The following ATXN7L1 variants were observed in gnomAD, a reference collection of about 807,000 sequenced individuals.
The protein encoded by ATXN7L1 is ataxin 7 like 1.
Under a neutral mutation model 70.8 loss-of-function variants are expected in ATXN7L1, and 15 were observed. The observed-to-expected ratio is 0.21, with a 90% CI of 0.14 to 0.33. The LOEUF (loss-of-function observed/expected upper bound fraction) is 0.33. Ranked by LOEUF, ATXN7L1 falls within the 10% of genes least tolerant of loss-of-function variation. The pLI is 1.00. For missense variants in ATXN7L1, 975 were observed against 1,097.1 expected (o/e 0.89, Z 1.57); for synonymous variants, 440 against 445.1 (o/e 0.99, Z 0.14).
intron 3 of ATXN7L1, among the ~76,000 whole-genome samples, chr7:105,755,896 G>A (rs1799744685): frequency 6.6e-6 from 1 of 152,212 alleles, no homozygotes; most frequent in East Asian, 1.9e-4. Context: ...CCGTCATGCA[G>A]GTGGAGACAC....
At chr7:105,768,282 C>T (rs1376024705) in intron 3 of ATXN7L1, among the ~76,000 whole-genome samples, 3 of 152,228 alleles carry the variant, frequency 2.0e-5, no homozygotes, top group Non-Finnish European at 4.4e-5. Context: ...CCACCATACC[C>T]ATTCCATAGA....
At chr7:105,844,555 C>T (rs1441547448) in intron 2 of ATXN7L1, among the ~76,000 whole-genome samples, 2 of 152,104 alleles carry the variant, frequency 1.3e-5, no homozygotes, top group African/African-American at 2.4e-5. Context: ...ACTCAACCAA[C>T]AAGAATGGAA....
At chr7:105,750,727 C>T (rs1799107143) in intron 3 of ATXN7L1, among the ~76,000 whole-genome samples, 1 of 152,120 alleles carries the variant, frequency 6.6e-6, no homozygotes, top group African/African-American at 2.4e-5. Flanking sequence ...CACTTGAACC[C>T]GGGACGTGGA....
chr7:105,821,442 C>G (rs1407126903), intron 2 of ATXN7L1, among the ~76,000 whole-genome samples: 7 of 152,238 alleles, frequency 4.6e-5, no homozygotes, highest in African/African-American at 7.2e-5. Flanking sequence ...AGATCCTGTG[C>G]AGTGAGTCTG....
At chr7:105,845,080 C>A (rs1279154009) in intron 2 of ATXN7L1, among the ~76,000 whole-genome samples, 3 of 151,742 alleles carry the variant, frequency 2.0e-5, no homozygotes, top group Non-Finnish European at 4.4e-5. Context: ...TGGCGGGTGC[C>A]TGTAATCCCA....
At chr7:105,836,951 G>C (rs529281605) in intron 2 of ATXN7L1, among the ~76,000 whole-genome samples, 1 of 152,056 alleles carries the variant, frequency 6.6e-6, no homozygotes. Context: ...CCAGCTACTC[G>C]GGAGGCTGAG....
At chr7:105,735,836 ATAAT>A (rs897888249) in intron 3 of ATXN7L1, among the ~76,000 whole-genome samples, 3 of 152,326 alleles carry the variant, frequency 2.0e-5, no homozygotes, top group Admixed American at 1.3e-4. Context: ...ATACAGGAAT[ATAAT>A]TAATTAATCA....
intron 3 of ATXN7L1, among the ~76,000 whole-genome samples, chr7:105,677,402 A>AAG (rs1804848150): frequency 6.6e-6 from 1 of 152,242 alleles, no homozygotes; most frequent in African/African-American, 2.4e-5. Context: ...CAGGTGCTCG[A>AAG]GTACACTGAG....
intron 3 of ATXN7L1, among the ~76,000 whole-genome samples, chr7:105,774,488 A>AT (rs1208133988): frequency 6.6e-6 from 1 of 151,856 alleles, no homozygotes; most frequent in Non-Finnish European, 1.5e-5. Context: ...AGTAGCTGAG[A>AT]TAACAGATGT....
At chr7:105,856,479 G>A (rs760320925) in intron 2 of ATXN7L1, among the ~76,000 whole-genome samples, 8 of 151,674 alleles carry the variant, frequency 5.3e-5, no homozygotes, top group Admixed American at 4.6e-4. Flanking sequence ...CCAGATACTC[G>A]GGAGGCTGAG....
chr7:105,724,995 C>G (rs1795640055), intron 3 of ATXN7L1, among the ~76,000 whole-genome samples: 4 of 152,018 alleles, frequency 2.6e-5, no homozygotes, highest in Admixed American at 2.0e-4. Context: ...GCCTGGCTGA[C>G]TTCTTTTATT....
At chr7:105,814,990 A>C in intron 2 of ATXN7L1, among the ~76,000 whole-genome samples, 1 of 152,226 alleles carries the variant, frequency 6.6e-6, no homozygotes, top group East Asian at 1.9e-4. Context: ...ACTGCTGCTA[A>C]GACAGGATGG....
intron 3 of ATXN7L1, among the ~76,000 whole-genome samples, chr7:105,667,609 G>T (rs1487446634): frequency 8.8e-6 from 1 of 113,550 alleles, no homozygotes; most frequent in Non-Finnish European, 1.9e-5. Context: ...TGAGGCGGGA[G>T]AATGGCGTGA....
intron 3 of ATXN7L1, among the ~76,000 whole-genome samples, chr7:105,673,727 G>A (rs531097267): frequency 2.0e-5 from 3 of 152,328 alleles, no homozygotes; most frequent in East Asian, 3.9e-4. Flanking sequence ...ACTTACAGCC[G>A]CTTGGTGAGG....
chr7:105,741,423 G>T (rs1465949362), intron 3 of ATXN7L1, among the ~76,000 whole-genome samples: 1 of 152,142 alleles, frequency 6.6e-6, no homozygotes, highest in Non-Finnish European at 1.5e-5. Context: ...ATACAAGCTT[G>T]CCTTTCAACA....
chr7:105,668,968 G>T (rs1199427518), intron 3 of ATXN7L1, among the ~76,000 whole-genome samples: 1 of 152,006 alleles, frequency 6.6e-6, no homozygotes, highest in Non-Finnish European at 1.5e-5. Flanking sequence ...GGCTGGTCTT[G>T]AACTCCTGGG....
intron 2 of ATXN7L1, among the ~76,000 whole-genome samples, chr7:105,790,200 G>A (rs147189450): frequency 2.1e-3 from 319 of 152,170 alleles, no homozygotes; most frequent in Non-Finnish European, 3.5e-3. Flanking sequence ...TTTCTTTTTG[G>A]GTCAATGAAA....
intron 2 of ATXN7L1, among the ~76,000 whole-genome samples, chr7:105,872,284 G>T (rs1300430531): frequency 6.6e-6 from 1 of 152,172 alleles, no homozygotes; most frequent in Non-Finnish European, 1.5e-5. Context: ...GAGCCACCAT[G>T]CCTGGCCAAA....
chr7:105,761,276 C>A, intron 3 of ATXN7L1: 2 of 1,574,740 alleles, frequency 1.3e-6, no homozygotes, highest in South Asian at 1.2e-5. Context: ...GTCCACACTT[C>A]AGGGCTCTGC....
Sources: gnomAD v4.1 joint callset for allele counts (sites outside exome capture counted in the v4.1 genomes callset) on GRCh38, gnomAD v4.1.1 for gene constraint, MANE v1.5 for transcripts, NCBI Gene and HGNC (gene_info 2026-07-23, HGNC 2026-07-21) for gene names.